The following MAP2K6 variants were observed in gnomAD, a reference collection of about 807,000 sequenced individuals.
The protein encoded by MAP2K6 is mitogen-activated protein kinase kinase 6.
Under a neutral mutation model 53.7 loss-of-function variants are expected in MAP2K6, and 16 were observed. The ratio of observed to expected loss-of-function variants is 0.30; its 90% CI spans 0.20 to 0.45. MAP2K6 has a LOEUF of 0.45. MAP2K6 is among the 20% of genes least tolerant of loss of function. The pLI, the probability that MAP2K6 is intolerant of heterozygous loss-of-function variation, is 1.00. For synonymous variants in MAP2K6, 132 were observed against 143.1 expected (o/e 0.92, Z 0.55); for missense variants, 204 against 411.9 (o/e 0.50, Z 4.37).
At chr17:69,421,209 A>G (rs914747684) in intron 1 of MAP2K6, among the ~76,000 whole-genome samples, 11 of 152,082 alleles carry the variant, frequency 7.2e-5, no homozygotes, top group African/African-American at 1.2e-4. Context: ...TTACAATGCA[A>G]TTTTCTTCTT....
In MAP2K6 at chr17:69,536,591, G is replaced by T. The variant is rs866908375; in HGVS notation, c.927+431G>T. Among the ~76,000 whole-genome samples the T allele has an allele frequency of 4.6e-5, 7 of 151,954 alleles. No individual in the cohort carries two copies. In the East Asian group the frequency reaches 7.7e-4, roughly 17 times the overall value. Reference sequence around the variant, plus strand: ...AAATTAGATGAACAACTTTTTGGGGGGTAGCTAAGGAGGAAAAAAAATTTT... The same window carrying T: ...AAATTAGATGAACAACTTTTTGGGGTGTAGCTAAGGAGGAAAAAAAATTTT... On this transcript the variant is annotated intron_variant, in intron 11 of 11. Transcript: ENST00000590474.
intron 2 of MAP2K6, among the ~76,000 whole-genome samples, chr17:69,507,872 C>G (rs1209336517): frequency 1.3e-5 from 2 of 151,872 alleles, no homozygotes; most frequent in Admixed American, 1.3e-4. Context: ...TATGGTAAGC[C>G]CATCTTTAGT....
rs528438908 is a variant in MAP2K6 at position 69,508,760 on chromosome 17, C to T, written c.83+2914C>T. ...GTAGTTTTGCATTTTGCATTTAAGC[C>T]CATGGTCCATTTTGAGTTAATTTTT... On this transcript the variant is annotated intron_variant, in intron 2 of 11. Coordinates refer to ENST00000590474, the MANE Select transcript of MAP2K6 (RefSeq NM_002758.4). Among the ~76,000 whole-genome samples the T allele has an allele frequency of 2.0e-5, 3 of 152,272 alleles. No individual in the cohort carries two copies. In the South Asian group the frequency reaches 6.2e-4, roughly 32 times the overall value.
At chr17:69,532,268 A>G (rs1007287109) in intron 10 of MAP2K6, among the ~76,000 whole-genome samples, 1 of 152,192 alleles carries the variant, frequency 6.6e-6, no homozygotes, top group African/African-American at 2.4e-5. Context: ...TGAAACGCGC[A>G]ATGTGTTTTT....
chr17:69,444,116 C>T (rs1050290985), intron 1 of MAP2K6, among the ~76,000 whole-genome samples: 2 of 152,108 alleles, frequency 1.3e-5, no homozygotes, highest in African/African-American at 4.8e-5. Context: ...AGGGTTGGTC[C>T]TAAAATATTT....
chr17:69,422,947 G>A (rs148431621), intron 1 of MAP2K6, among the ~76,000 whole-genome samples: 355 of 152,210 alleles, frequency 2.3e-3, no homozygotes, highest in African/African-American at 7.6e-3. Context: ...GCAATGGCGC[G>A]ATCTTGGCTC....
At chr17:69,471,572 C>T (rs771011538) in intron 1 of MAP2K6, among the ~76,000 whole-genome samples, 58 of 152,126 alleles carry the variant, frequency 3.8e-4, no homozygotes, top group Admixed American at 6.5e-4. Context: ...GCGCAATGTT[C>T]ACTATTCGGG....
intron 2 of MAP2K6, among the ~76,000 whole-genome samples, chr17:69,512,328 G>GGTTTTTTT (rs1909867833): frequency 1.3e-5 from 1 of 75,184 alleles, no homozygotes; most frequent in African/African-American, 4.9e-5. Flanking sequence ...CTTTCTAAGT[G>GGTTTTTTT]TTTTTTTTTT....
chr17:69,513,103 C>T (rs988671063), intron 2 of MAP2K6, among the ~76,000 whole-genome samples: 3 of 152,126 alleles, frequency 2.0e-5, no homozygotes, highest in African/African-American at 7.2e-5. Flanking sequence ...TCGCAATGCC[C>T]CTGGCAAACT....
chr17:69,475,497 T>C (rs1014063204), intron 1 of MAP2K6, among the ~76,000 whole-genome samples: 1 of 152,244 alleles, frequency 6.6e-6, no homozygotes, highest in South Asian at 2.1e-4. Context: ...AAAATGGTTC[T>C]AAACTTTTCT....
At chr17:69,510,696 G>C (rs996831264) in intron 2 of MAP2K6, among the ~76,000 whole-genome samples, 2 of 152,014 alleles carry the variant, frequency 1.3e-5, no homozygotes, top group African/African-American at 4.8e-5. Context: ...ATGTGGTTTT[G>C]AGGAGTTGGT....
intron 7 of MAP2K6, among the ~76,000 whole-genome samples, chr17:69,522,155 C>A (rs1418268234): frequency 6.6e-6 from 1 of 151,970 alleles, no homozygotes. Flanking sequence ...AGTAAGAGGG[C>A]CTTGTGGTTT....
chr17:69,470,089 T>C (rs1184943542), intron 1 of MAP2K6, among the ~76,000 whole-genome samples: 1 of 152,060 alleles, frequency 6.6e-6, no homozygotes, highest in African/African-American at 2.4e-5. Context: ...CCTGTAGTCC[T>C]AGCTACTCAG....
chr17:69,457,104 C>T (rs1004535046), intron 1 of MAP2K6, among the ~76,000 whole-genome samples: 14 of 152,202 alleles, frequency 9.2e-5, no homozygotes, highest in Non-Finnish European at 1.9e-4. Flanking sequence ...TCTGTGAGAC[C>T]TCCTCAGCAA....
chr17:69,526,778 C>T (rs2074030), intron 10 of MAP2K6, 69 bp downstream of exon 10: 917,730 of 1,547,150 alleles, frequency 0.59, 274,569 homozygotes, highest in Middle Eastern at 0.69. Flanking sequence ...TTTCTTCCAT[C>T]GGGGTTGAAT....
chr17:69,443,981 A>C (rs1906896627), intron 1 of MAP2K6, among the ~76,000 whole-genome samples: 1 of 152,174 alleles, frequency 6.6e-6, no homozygotes, highest in African/African-American at 2.4e-5. Flanking sequence ...TATTGTCCTT[A>C]GGATATTGAA....
chr17:69,445,082 G>A (rs1462969262), intron 1 of MAP2K6, among the ~76,000 whole-genome samples: 2 of 152,050 alleles, frequency 1.3e-5, no homozygotes, highest in South Asian at 2.1e-4. Context: ...CACCAGGCCC[G>A]GCTAATTTTT....
intron 10 of MAP2K6, among the ~76,000 whole-genome samples, chr17:69,529,806 C>T (rs558793411): frequency 1.2e-4 from 19 of 152,174 alleles, no homozygotes; most frequent in Middle Eastern, 3.4e-3. Context: ...CCACTGCGTC[C>T]GGCCAATTTT....
rs1481468534 is a variant in MAP2K6 at position 69,550,588 on chromosome 17, C to A, written c.*8835C>A. ...TTTTATTTTATTTTATTTTTCTGAT[C>A]TCAAGTTGTTTGTCCTGTTGTATGT... On this transcript the variant is annotated 3_prime_UTR_variant, in exon 12 of 12. Transcript: ENST00000590474. The A allele has an allele frequency of 6.6e-6, 1 of 151,994 alleles. No homozygotes were observed. The highest frequency in any genetic ancestry group is 1.5e-5 in the Non-Finnish European group (1 of 67,984). The allele number at this position is 151,994 out of a possible 1,614,324, so 9.4% of individuals were successfully genotyped here.
Sources: gnomAD v4.1 joint callset for allele counts (sites outside exome capture counted in the v4.1 genomes callset) on GRCh38, gnomAD v4.1.1 for gene constraint, MANE v1.5 for transcripts, NCBI Gene and HGNC (gene_info 2026-07-23, HGNC 2026-07-21) for gene names.